Variants in CSN1S1 observed in about 807,000 individuals in gnomAD.
CSN1S1 encodes alpha-S1-casein.
CSN1S1 carries 63 observed loss-of-function variants against 49.1 expected under a neutral mutation model. The observed-to-expected ratio is 1.28, with a 90% CI of 1.05 to 1.58. The LOEUF (loss-of-function observed/expected upper bound fraction) is 1.58, where lower values mean the gene tolerates loss of function less well. CSN1S1 is among the 40% of genes most tolerant of loss of function. The pLI is 0.00. For missense variants in CSN1S1, 260 were observed against 224.7 expected (o/e 1.16, Z -1.01); for synonymous variants, 78 against 67.1 (o/e 1.16, Z -0.79).
chr4:69,942,991 A>G (rs1220856), intron 14 of CSN1S1, among the ~76,000 whole-genome samples: 143,519 of 148,572 alleles, frequency 0.97, 69,482 homozygotes, highest in East Asian at 1. Context: ...AACATCCTCC[A>G]CAACTAGAGA....
intron 13 of CSN1S1, among the ~76,000 whole-genome samples, chr4:69,942,290 C>T (rs542115929): frequency 2.4e-4 from 36 of 151,920 alleles, no homozygotes; most frequent in Admixed American, 2.0e-3. Context: ...TATTATTTTT[C>T]CTCAGAGTAT....
rs563001642 is a variant in CSN1S1, at chr4:69,934,842, C to A, written c.105+132C>A. On this transcript the variant is annotated intron_variant, in intron 4 of 15. Transcript: ENST00000246891. ...CAAATGCATCCAACAACTCAAGTAC[C>A]TGGATTGCTCTCTAAATTCTGTTTT... 17 of 752,694 alleles carry A rather than the reference C, an allele frequency of 2.3e-5. No individual in the cohort carries two copies. The East Asian group carries it at 4.3e-4, about 19-fold the overall frequency. The allele number at this position is 752,694 out of a possible 1,614,324, so 46.6% of individuals were successfully genotyped here. A position where few individuals can be genotyped will look rare whatever the true frequency, so the allele number is the denominator to read the frequency against.
intron 12 of CSN1S1, 70 bp downstream of exon 12, chr4:69,941,130 T>C: frequency 1.5e-6 from 1 of 659,510 alleles, no homozygotes; most frequent in Admixed American, 3.9e-5. Flanking sequence ...AATTTTAAAT[T>C]GGGGCCATTT....
rs1722612103 is a variant in CSN1S1 at position 69,931,682 on chromosome 4, C to G, written c.-13+565C>G. ...TTCAAAAATATGCCTTTTTTATTAA[C>G]ACATTTAGATTCTAAAATTTGTAGA... On this transcript the variant is annotated intron_variant, in intron 1 of 15. Transcript: ENST00000246891. Among the ~76,000 whole-genome samples, 2 of 144,452 alleles carry G rather than the reference C, an allele frequency of 1.4e-5. 1 individual carries two copies. The highest frequency in any genetic ancestry group is 4.6e-4 in the South Asian group (2 of 4,306). 94.8% of individuals were successfully genotyped at this position (144,452 alleles called of 152,430 possible). A position where few individuals can be genotyped will look rare whatever the true frequency, so the allele number is the denominator to read the frequency against.
chr4:69,934,826 CCAACAA>C, intron 4 of CSN1S1, 116 bp downstream of exon 4: 2 of 876,576 alleles, frequency 2.3e-6, no homozygotes, highest in Non-Finnish European at 3.6e-6. Context: ...TCAAATGCAT[CCAACAA>C]CTCAAGTACC....
chr4:69,938,885 T>C (rs950795285), intron 9 of CSN1S1, among the ~76,000 whole-genome samples: 6 of 151,744 alleles, frequency 4.0e-5, no homozygotes, highest in East Asian at 1.9e-4. Context: ...CAAAAATCTA[T>C]GCAAATTTTG....
At chr4:69,938,590 A>C (rs1722878634) in intron 9 of CSN1S1, among the ~76,000 whole-genome samples, 1 of 151,758 alleles carries the variant, frequency 6.6e-6, no homozygotes, top group African/African-American at 2.4e-5. Context: ...AAGTCTGTTG[A>C]ATATTAAAAT....
chr4:69,941,317 A>T (rs968445172), intron 12 of CSN1S1, among the ~76,000 whole-genome samples: 4 of 151,752 alleles, frequency 2.6e-5, no homozygotes, highest in Admixed American at 2.0e-4. Flanking sequence ...ACTACATTCT[A>T]CTGCAAATCC....
In CSN1S1 at chr4:69,946,046, T is replaced by A. The variant is rs184255338; in HGVS notation, c.*-150T>A. On this transcript the variant is annotated intron_variant, in intron 15 of 15. Transcript: ENST00000246891. ...TAGCTTAAAAACCAAGAGCAATGGA[T>A]AGGTATGTCAGTAACAGGAAAGCAT... 17 of 319,440 alleles carry A rather than the reference T, an allele frequency of 5.3e-5. No homozygotes were observed. The Admixed American group carries it at 8.2e-4, about 15-fold the overall frequency. The allele number at this position is 319,440 out of a possible 1,614,324, so 19.8% of individuals were successfully genotyped here. A position where few individuals can be genotyped will look rare whatever the true frequency, so the allele number is the denominator to read the frequency against.
At chr4:69,936,633 A>G in intron 7 of CSN1S1, 26 bp downstream of exon 7, 1 of 1,586,210 alleles carries the variant, frequency 6.3e-7, no homozygotes, top group Middle Eastern at 1.7e-4. Context: ...TTGAAAGAGT[A>G]TGGCAAAAGT....
In CSN1S1 at chr4:69,932,612, T is replaced by A. The variant is rs1722644399; in HGVS notation, c.51+6T>A. 1.9e-6 allele frequency: 3 copies of A among 1,591,372 alleles called. No homozygotes were observed. The highest frequency in any genetic ancestry group is 2.6e-6 in the Non-Finnish European group (3 of 1,166,548). ...CTGTTGCTCTTGCCAGGCCTGTAAG[T>A]TCAGTAGAGAATTTAGAAAGTCTTA... On this transcript the variant is annotated splice_donor_region_variant and intron_variant, in intron 2 of 15. Coordinates refer to ENST00000246891, the MANE Select transcript of CSN1S1 (RefSeq NM_001890.2).
intron 9 of CSN1S1, among the ~76,000 whole-genome samples, chr4:69,938,208 T>G (rs1722859524): frequency 6.6e-6 from 1 of 151,792 alleles, no homozygotes; most frequent in Non-Finnish European, 1.5e-5. Context: ...GATTACTTTT[T>G]TATTTTAGAT....
chr4:69,937,683 C>A, intron 8 of CSN1S1, 117 bp from the exon 9 acceptor site: 2 of 797,790 alleles, frequency 2.5e-6, no homozygotes, highest in Non-Finnish European at 3.9e-6. Context: ...TTTCTTATTA[C>A]TTTTATATTG....
At position 69,934,725 on chromosome 4, in the gene CSN1S1, T is replaced by C; in HGVS notation, c.105+15T>C. ...AGAGCAGTGAGGTAAGCTCTGTTTA[T>C]GGGGAGTCAGGATTCTCTCTTCCTT... On this transcript the variant is annotated intron_variant, in intron 4 of 15. Coordinates refer to ENST00000246891, the MANE Select transcript of CSN1S1 (RefSeq NM_001890.2). 1 of 1,607,004 alleles carries C rather than the reference T, an allele frequency of 6.2e-7. No individual in the cohort carries two copies. Among genetic ancestry groups the C allele is most frequent in the Non-Finnish European group, 8.5e-7 (1 of 1,174,660 alleles).
intron 11 of CSN1S1, among the ~76,000 whole-genome samples, chr4:69,940,369 C>G (rs1281728568): frequency 6.6e-6 from 1 of 151,678 alleles, no homozygotes; most frequent in African/African-American, 2.4e-5. Flanking sequence ...TCCCAGTTAT[C>G]TAATTCACAG....
In CSN1S1 at chr4:69,937,105, TTGAC is replaced by T. The variant is rs771547771; in HGVS notation, c.196-13_196-10del. The T allele has an allele frequency of 2.6e-6, 4 of 1,538,438 alleles. No individual in the cohort carries two copies. The South Asian group carries it at 4.9e-5, about 19-fold the overall frequency. On this transcript the variant is annotated splice_polypyrimidine_tract_variant and intron_variant, in intron 7 of 15. Coordinates refer to ENST00000246891, the MANE Select transcript of CSN1S1 (RefSeq NM_001890.2). ...TTAACAATCTGTCATACCTAACTGATTGACTGTCTTGGCAGGATACTAGGAATGA... is the reference window on the plus strand; with the variant it reads ...TTAACAATCTGTCATACCTAACTGATTGTCTTGGCAGGATACTAGGAATGA...
rs1225178118 is a variant in CSN1S1 at position 69,943,944 on chromosome 4, C to T, written c.403-906C>T. Among the ~76,000 whole-genome samples, 4 of 151,832 alleles carry T rather than the reference C, an allele frequency of 2.6e-5. 1 individual carries two copies. Among genetic ancestry groups the T allele is most frequent in the Admixed American group, 2.0e-4 (3 of 15,202 alleles). ...ACTGTTGTATTGCATGTTAAGTTTC[C>T]AACATATGATCTTTGGGAAACACAT... On this transcript the variant is annotated intron_variant, in intron 14 of 15. Coordinates refer to ENST00000246891, the MANE Select transcript of CSN1S1 (RefSeq NM_001890.2).
chr4:69,943,869 G>A (rs1723063037), intron 14 of CSN1S1, among the ~76,000 whole-genome samples: 1 of 152,018 alleles, frequency 6.6e-6, no homozygotes, highest in African/African-American at 2.4e-5. Flanking sequence ...TAATTTGTGA[G>A]AGCAGAGCCC....
chr4:69,944,842 C>G lies in CSN1S1; in HGVS notation c.403-8C>G. On this transcript the variant is annotated splice_region_variant and splice_polypyrimidine_tract_variant and intron_variant, in intron 14 of 15. Coordinates refer to ENST00000246891, the MANE Select transcript of CSN1S1 (RefSeq NM_001890.2). ...ACACTGTTGCTTTTCAAATGTTTTT[C>G]CCTCTAGCCTTTCCAGCAGCTCAAC... 1 of 1,609,432 alleles carries G rather than the reference C, an allele frequency of 6.2e-7. No individual in the cohort carries two copies. The highest frequency in any genetic ancestry group is 2.2e-5 in the East Asian group (1 of 44,780).
Sources: allele counts gnomAD v4.1 joint callset (sites outside exome capture counted in the v4.1 genomes callset), GRCh38; gene constraint gnomAD v4.1.1; transcripts MANE v1.5; gene names NCBI Gene and HGNC (gene_info 2026-07-23, HGNC 2026-07-21).